AGBL1: variants seen among roughly 807,000 people sequenced by gnomAD.
AGBL1 encodes the protein AGBL carboxypeptidase 1, also known as cytosolic carboxypeptidase 4.
AGBL1 carries 130 observed loss-of-function variants against 118.9 expected under a neutral mutation model. The observed-to-expected ratio is 1.09, with a 90% confidence interval of 0.95 to 1.26. The LOEUF (loss-of-function observed/expected upper bound fraction) is 1.26. Among genes scored for constraint, AGBL1 ranks in the 50% most tolerant of loss-of-function variants. The pLI is 0.00. For synonymous variants in AGBL1, 555 were observed against 478.9 expected (o/e 1.16, Z -2.08); for missense variants, 1,584 against 1,298.1 (o/e 1.22, Z -3.38).
intron 6 of AGBL1, among the ~76,000 whole-genome samples, chr15:86,232,264 C>G (rs926599683): frequency 1.2e-4 from 19 of 152,180 alleles, no homozygotes; most frequent in African/African-American, 4.6e-4. Flanking sequence ...CCCCTTGGGA[C>G]GGTCAGACCC....
At chr15:86,288,813 G>T (rs143680054) in intron 16 of AGBL1, among the ~76,000 whole-genome samples, 8 of 151,946 alleles carry the variant, frequency 5.3e-5, no homozygotes, top group African/African-American at 1.9e-4. Flanking sequence ...CTCCCACTCC[G>T]AGAAGAATTT....
At chr15:86,393,918 C>T (rs1221848790) in intron 17 of AGBL1, among the ~76,000 whole-genome samples, 4 of 152,114 alleles carry the variant, frequency 2.6e-5, no homozygotes, top group Non-Finnish European at 4.4e-5. Context: ...ACTCAGTTGT[C>T]CCTTCCACAT....
intron 7 of AGBL1, among the ~76,000 whole-genome samples, chr15:86,248,305 A>T (rs957448226): frequency 1.3e-5 from 2 of 152,240 alleles, no homozygotes; most frequent in African/African-American, 2.4e-5. Flanking sequence ...TGACAGAGTG[A>T]GACCCTGTCT....
intron 22 of AGBL1, among the ~76,000 whole-genome samples, chr15:86,864,891 A>C (rs957881266): frequency 3.3e-5 from 5 of 152,206 alleles, no homozygotes; most frequent in African/African-American, 1.2e-4. Context: ...AATATGATGT[A>C]GCAAAAACAA....
At chr15:86,812,056 G>A (rs2078797761) in intron 22 of AGBL1, among the ~76,000 whole-genome samples, 1 of 152,172 alleles carries the variant, frequency 6.6e-6, no homozygotes, top group South Asian at 2.1e-4. Context: ...AATGGTTTGG[G>A]TTGTAATGTG....
At chr15:86,262,639 A>G (rs1597644156) in intron 9 of AGBL1, 139 bp from the exon 10 acceptor site, 1 of 704,194 alleles carries the variant, frequency 1.4e-6, no homozygotes, top group Non-Finnish European at 2.6e-6. Flanking sequence ...CAAATTCTTC[A>G]CTGGATGGGC....
At chr15:87,023,991 G>A (rs1289340140) in intron 24 of AGBL1, among the ~76,000 whole-genome samples, 1 of 151,940 alleles carries the variant, frequency 6.6e-6, no homozygotes, top group Non-Finnish European at 1.5e-5. Flanking sequence ...GCAGTGCTAA[G>A]AGGAAGGTTC....
intron 3 of AGBL1, among the ~76,000 whole-genome samples, chr15:86,151,066 C>T (rs1331626423): frequency 6.6e-6 from 1 of 151,634 alleles, no homozygotes; most frequent in East Asian, 1.9e-4. Flanking sequence ...AAAAAACAAA[C>T]ACCGCATATT....
intron 18 of AGBL1, among the ~76,000 whole-genome samples, chr15:86,480,440 T>C (rs1356119697): frequency 6.6e-6 from 1 of 152,116 alleles, no homozygotes; most frequent in Non-Finnish European, 1.5e-5. Context: ...ATTTTTGTCA[T>C]GCTAATGGAA....
intron 1 of AGBL1, among the ~76,000 whole-genome samples, chr15:86,095,312 C>T (rs776484444): frequency 6.6e-6 from 1 of 152,138 alleles, no homozygotes; most frequent in Non-Finnish European, 1.5e-5. Context: ...TCTCCAGTCC[C>T]TCTCCTTTCC....
At chr15:86,330,962 A>G (rs2080259052) in intron 17 of AGBL1, among the ~76,000 whole-genome samples, 2 of 152,220 alleles carry the variant, frequency 1.3e-5, no homozygotes, top group Admixed American at 1.3e-4. Flanking sequence ...GCGGTAGCTC[A>G]TGTCTGTAAT....
intron 1 of AGBL1, among the ~76,000 whole-genome samples, chr15:86,127,671 A>C (rs2076764359): frequency 6.6e-6 from 1 of 152,252 alleles, no homozygotes; most frequent in African/African-American, 2.4e-5. Flanking sequence ...CTTTTAACAC[A>C]ACAGCTGGGC....
At chr15:86,564,405 G>C (rs553126346) in intron 21 of AGBL1, among the ~76,000 whole-genome samples, 34 of 152,256 alleles carry the variant, frequency 2.2e-4, no homozygotes, top group African/African-American at 7.5e-4. Context: ...AGTTTGGCTG[G>C]ATATGAAATT....
chr15:86,570,442 C>A (rs757886639), intron 21 of AGBL1, among the ~76,000 whole-genome samples: 7 of 152,198 alleles, frequency 4.6e-5, no homozygotes, highest in Non-Finnish European at 8.8e-5. Flanking sequence ...CAGCTGCTAC[C>A]TTTATGGGTT....
intron 21 of AGBL1, among the ~76,000 whole-genome samples, chr15:86,659,064 G>C (rs574525053): frequency 6.6e-6 from 1 of 152,090 alleles, no homozygotes; most frequent in African/African-American, 2.4e-5. Context: ...ATTAAGAAAA[G>C]TTCCTGTCTC....
downstream of AGBL1, among the ~76,000 whole-genome samples, chr15:87,029,727 A>G (rs1056512411): frequency 6.6e-6 from 1 of 152,052 alleles, no homozygotes; most frequent in South Asian, 2.1e-4. Flanking sequence ...TCTCTAGAAT[A>G]TAATCTTTTC....
At chr15:86,846,746 G>C (rs965000728) in intron 22 of AGBL1, among the ~76,000 whole-genome samples, 1 of 152,164 alleles carries the variant, frequency 6.6e-6, no homozygotes, top group Admixed American at 6.5e-5. Context: ...TGGCCAGGCT[G>C]GTCTCGAACT....
intron 18 of AGBL1, among the ~76,000 whole-genome samples, chr15:86,398,840 G>A (rs1160640101): frequency 6.6e-6 from 1 of 152,076 alleles, no homozygotes; most frequent in Non-Finnish European, 1.5e-5. Flanking sequence ...GATGAAATAT[G>A]TTAAACCAGG....
At chr15:86,832,786 C>A (rs1441737941) in intron 22 of AGBL1, among the ~76,000 whole-genome samples, 1 of 152,186 alleles carries the variant, frequency 6.6e-6, no homozygotes, top group Non-Finnish European at 1.5e-5. Flanking sequence ...TGCCTGTTAC[C>A]CAGTTCCAAA....
Sources: gnomAD v4.1 joint callset for allele counts (sites outside exome capture counted in the v4.1 genomes callset) on GRCh38, gnomAD v4.1.1 for gene constraint, MANE v1.5 for transcripts, NCBI Gene and HGNC (gene_info 2026-07-23, HGNC 2026-07-21) for gene names.